The following MAPK10 variants were observed in gnomAD, a reference collection of about 807,000 sequenced individuals.
MAPK10 encodes mitogen-activated protein kinase 10.
A neutral mutation model predicts 59.3 loss-of-function variants in MAPK10; 25 were observed. The ratio of observed to expected loss-of-function variants is 0.42; its 90% CI spans 0.31 to 0.59. MAPK10 has a LOEUF of 0.59. MAPK10 is among the 20% of genes least tolerant of loss of function. MAPK10 has a pLI of 0.15. For synonymous variants in MAPK10, 190 were observed against 200.5 expected (o/e 0.95, Z 0.44); for missense variants, 351 against 568.9 (o/e 0.62, Z 3.90).
intron 2 of MAPK10, among the ~76,000 whole-genome samples, chr4:86,266,095 A>C (rs2094222895): frequency 6.6e-6 from 1 of 152,216 alleles, no homozygotes; most frequent in African/African-American, 2.4e-5. Context: ...TAAATTCAAA[A>C]GAACATGTGA....
rs773722871 is a variant in MAPK10 at position 86,373,955 on chromosome 4, C to T, written c.-121-19311G>A. Reference sequence around the variant, plus strand: ...ATTCTACTATAAAGACACATGCACACGTATGTTTATTGCAGCACTGTTCAC... The same window carrying T: ...ATTCTACTATAAAGACACATGCACATGTATGTTTATTGCAGCACTGTTCAC... On this transcript the variant is annotated intron_variant, in intron 1 of 13. Transcript: ENST00000361569. Among the ~76,000 whole-genome samples the T allele has an allele frequency of 8.0e-4, 122 of 152,204 alleles. 1 individual carries two copies. Among genetic ancestry groups the T allele is most frequent in the African/African-American group, 1.5e-3 (61 of 41,536 alleles).
intron 2 of MAPK10, among the ~76,000 whole-genome samples, chr4:86,349,802 T>G (rs1423059807): frequency 6.6e-6 from 1 of 152,218 alleles, no homozygotes; most frequent in Non-Finnish European, 1.5e-5. Context: ...TGCATTTCTA[T>G]CAGGCTCCAG....
At chr4:86,271,404 T>C (rs572360940) in intron 2 of MAPK10, among the ~76,000 whole-genome samples, 4 of 152,200 alleles carry the variant, frequency 2.6e-5, no homozygotes, top group South Asian at 4.1e-4. Context: ...TTATTTTCTA[T>C]CAGCAAATTC....
At chr4:86,289,627 C>T (rs1380530021) in intron 2 of MAPK10, among the ~76,000 whole-genome samples, 2 of 148,888 alleles carry the variant, frequency 1.3e-5, no homozygotes, top group African/African-American at 2.5e-5. Context: ...TGTTATATTC[C>T]AAAAATATAT....
intron 4 of MAPK10, among the ~76,000 whole-genome samples, chr4:86,133,874 A>G (rs2149148188): frequency 6.6e-6 from 1 of 152,354 alleles, no homozygotes; most frequent in South Asian, 2.1e-4. Flanking sequence ...TAGTCCATAA[A>G]TAATGATTCT....
At chr4:86,440,796 C>A (rs1749325345) in intron 1 of MAPK10, among the ~76,000 whole-genome samples, 1 of 151,930 alleles carries the variant, frequency 6.6e-6, no homozygotes, top group Admixed American at 6.6e-5. Context: ...AAAGGCAGAC[C>A]ACAAAAGGTA....
intron 3 of MAPK10, among the ~76,000 whole-genome samples, chr4:86,171,881 G>GA (rs1239544280): frequency 1.3e-5 from 2 of 150,496 alleles, no homozygotes; most frequent in Non-Finnish European, 2.9e-5. Context: ...AAATTTACAA[G>GA]AAAAAAACAA....
intron 2 of MAPK10, among the ~76,000 whole-genome samples, chr4:86,252,603 G>C (rs1468238434): frequency 7.5e-6 from 1 of 133,420 alleles, no homozygotes; most frequent in African/African-American, 3.0e-5. Flanking sequence ...AAGTCAGGTA[G>C]GGTGATGCCT....
At chr4:86,191,222 C>T (rs558526391) in intron 3 of MAPK10, among the ~76,000 whole-genome samples, 26 of 152,142 alleles carry the variant, frequency 1.7e-4, no homozygotes, top group Admixed American at 1.3e-3. Flanking sequence ...GTATATTCTG[C>T]TGATTTGGGG....
At chr4:86,308,425 C>G (rs948756681) in intron 2 of MAPK10, among the ~76,000 whole-genome samples, 5 of 152,102 alleles carry the variant, frequency 3.3e-5, no homozygotes, top group African/African-American at 1.2e-4. Flanking sequence ...CAAGCTGCCA[C>G]TTTTCTTTGC....
At chr4:86,445,777 G>C (rs973470614) in intron 1 of MAPK10, among the ~76,000 whole-genome samples, 2 of 151,976 alleles carry the variant, frequency 1.3e-5, no homozygotes, top group Non-Finnish European at 2.9e-5. Flanking sequence ...CAGATCCTGT[G>C]AAATCCTTCA....
At chr4:86,024,490 T>A (rs1749142873) in intron 13 of MAPK10, 1 of 152,192 alleles carries the variant, frequency 6.6e-6, no homozygotes, top group South Asian at 2.1e-4. Context: ...AGCCCCTTAT[T>A]ATATGTAGTT....
At chr4:86,240,329 TGTG>T (rs539810238) in intron 2 of MAPK10, among the ~76,000 whole-genome samples, 147 of 152,348 alleles carry the variant, frequency 9.6e-4, no homozygotes, top group African/African-American at 3.4e-3. Context: ...ATTCTGTTGA[TGTG>T]GGGTAGAGAG....
intron 2 of MAPK10, among the ~76,000 whole-genome samples, chr4:86,269,715 T>C (rs2094371187): frequency 6.6e-6 from 1 of 152,136 alleles, no homozygotes; most frequent in South Asian, 2.1e-4. Flanking sequence ...GTAGCCCATT[T>C]AAAAATGATT....
At chr4:86,591,956 T>C (rs1763077432) in intron 1 of MAPK10, among the ~76,000 whole-genome samples, 2 of 151,924 alleles carry the variant, frequency 1.3e-5, no homozygotes, top group African/African-American at 4.8e-5. Flanking sequence ...GTATAACATA[T>C]ATATATATTT....
At position 86,518,661 on chromosome 4, in the gene MAPK10, G is replaced by T. The variant is rs534569289; in HGVS notation, c.-263+75249C>A. Among the ~76,000 whole-genome samples, 21 of 150,702 alleles carry T rather than the reference G, an allele frequency of 1.4e-4. 1 individual carries two copies. The South Asian group carries it at 4.2e-3, about 30-fold the overall frequency. On this transcript the variant is annotated intron_variant, in intron 1 of 4. Coordinates refer to the MAPK10 transcript ENST00000502302. The stretch of plus-strand genomic sequence containing the variant: ...TTTTTTTTTCTTCTGCTGGGCTTGG[G>T]TTTGGTTTGTTCTTGTTTCTCTAGT...
chr4:86,363,004 T>C (rs1318330057), upstream of MAPK10, among the ~76,000 whole-genome samples: 1 of 152,166 alleles, frequency 6.6e-6, no homozygotes, highest in Non-Finnish European at 1.5e-5. Context: ...ATGTTTATGC[T>C]AGCTTTGCTT....
intron 1 of MAPK10, among the ~76,000 whole-genome samples, chr4:86,365,431 CAAAAAAAAAAAAAA>C (rs70948789): frequency 1.4e-3 from 46 of 32,446 alleles, no homozygotes; most frequent in South Asian, 7.2e-3. Context: ...GACTCTGTCT[CAAAAAAAAAAAAAA>C]AAAAAAAAAA....
chr4:86,557,667 T>A (rs543035115), intron 1 of MAPK10, among the ~76,000 whole-genome samples: 6 of 152,192 alleles, frequency 3.9e-5, no homozygotes, highest in South Asian at 2.1e-4. Flanking sequence ...TACTGTTTAG[T>A]TTCAGCCAAA....
Sources: allele counts gnomAD v4.1 joint callset (sites outside exome capture counted in the v4.1 genomes callset), GRCh38; gene constraint gnomAD v4.1.1; transcripts MANE v1.5; gene names NCBI Gene and HGNC (gene_info 2026-07-23, HGNC 2026-07-21).